Variants in NUBPL observed in about 807,000 individuals in gnomAD.
NUBPL encodes NUBP iron-sulfur cluster assembly factor, mitochondrial.
A neutral mutation model predicts 45.7 loss-of-function variants in NUBPL; 31 were observed. That is an observed-to-expected ratio of 0.68 (90% confidence interval 0.51 to 0.92). The LOEUF is 0.92. NUBPL is among the 40% of genes least tolerant of loss of function. NUBPL has a pLI of 0.00. For synonymous variants in NUBPL, 144 were observed against 140.9 expected (o/e 1.02, Z -0.15); for missense variants, 401 against 398.7 (o/e 1.01, Z -0.05).
At chr14:31,839,650 G>A (rs2040338149) in intron 8 of NUBPL, among the ~76,000 whole-genome samples, 2 of 152,010 alleles carry the variant, frequency 1.3e-5, no homozygotes, top group South Asian at 4.1e-4. Flanking sequence ...CAATCAACAG[G>A]GTGAAGAGAC....
intron 3 of NUBPL, among the ~76,000 whole-genome samples, chr14:31,576,799 A>G (rs1263315393): frequency 6.6e-6 from 1 of 152,182 alleles, no homozygotes; most frequent in Non-Finnish European, 1.5e-5. Flanking sequence ...TTTCATTGGT[A>G]ACTTATCTGG....
intron 7 of NUBPL, among the ~76,000 whole-genome samples, chr14:31,812,588 T>C (rs2039830196): frequency 6.6e-6 from 1 of 152,196 alleles, no homozygotes; most frequent in African/African-American, 2.4e-5. Flanking sequence ...CCCTTGCACT[T>C]CCCTGGTGAG....
intron 6 of NUBPL, among the ~76,000 whole-genome samples, chr14:31,734,803 A>G (rs775797025): frequency 4.6e-5 from 7 of 152,176 alleles, no homozygotes; most frequent in African/African-American, 7.2e-5. Flanking sequence ...GGTTCCAGTA[A>G]TGGGTCTGTA....
chr14:31,626,886 T>G (rs1164447972), intron 4 of NUBPL, among the ~76,000 whole-genome samples: 1 of 152,114 alleles, frequency 6.6e-6, no homozygotes, highest in Non-Finnish European at 1.5e-5. Flanking sequence ...CCCAGAAGGG[T>G]GTCTTCATGG....
intron 6 of NUBPL, among the ~76,000 whole-genome samples, chr14:31,777,323 G>C (rs1383275520): frequency 6.6e-6 from 1 of 152,220 alleles, no homozygotes; most frequent in African/African-American, 2.4e-5. Context: ...CTGGTCCCTT[G>C]TAGAGATCCT....
chr14:31,764,707 C>G (rs767820434), intron 6 of NUBPL, among the ~76,000 whole-genome samples: 17 of 152,134 alleles, frequency 1.1e-4, no homozygotes, highest in Non-Finnish European at 2.1e-4. Flanking sequence ...CAGCTGCTCA[C>G]TTAATGGTCT....
intron 2 of NUBPL, among the ~76,000 whole-genome samples, chr14:31,564,086 A>T (rs2033370291): frequency 6.6e-6 from 1 of 152,170 alleles, no homozygotes; most frequent in Non-Finnish European, 1.5e-5. Context: ...AATAACCCTG[A>T]CATAGTTTAT....
At chr14:31,654,088 G>A (rs2139749385) in intron 4 of NUBPL, 1 of 455,038 alleles carries the variant, frequency 2.2e-6, no homozygotes, top group Non-Finnish European at 4.4e-6. Flanking sequence ...CAGAGATGTT[G>A]CAGGTCTTGT....
intron 6 of NUBPL, among the ~76,000 whole-genome samples, chr14:31,785,958 A>G (rs2039276375): frequency 6.6e-6 from 1 of 152,132 alleles, no homozygotes; most frequent in African/African-American, 2.4e-5. Flanking sequence ...TAGGAGTTTA[A>G]GACCAGCTTG....
At chr14:31,673,929 G>A (rs1315802425) in intron 6 of NUBPL, among the ~76,000 whole-genome samples, 1 of 152,138 alleles carries the variant, frequency 6.6e-6, no homozygotes, top group East Asian at 1.9e-4. Context: ...TAAGGGCAGT[G>A]TAGAAATTCT....
chr14:31,813,371 A>C (rs1472089319), intron 7 of NUBPL, among the ~76,000 whole-genome samples: 1 of 152,064 alleles, frequency 6.6e-6, no homozygotes, highest in African/African-American at 2.4e-5. Flanking sequence ...CTGAAGAGCC[A>C]GTATTTGTCA....
intron 6 of NUBPL, among the ~76,000 whole-genome samples, chr14:31,767,129 A>T (rs2038928007): frequency 6.6e-6 from 1 of 152,190 alleles, no homozygotes; most frequent in African/African-American, 2.4e-5. Flanking sequence ...AGCTCTTTTT[A>T]AAAAATCCAT....
At chr14:31,799,042 T>C (rs1473066605) in intron 7 of NUBPL, among the ~76,000 whole-genome samples, 1 of 152,072 alleles carries the variant, frequency 6.6e-6, no homozygotes, top group Middle Eastern at 3.2e-3. Context: ...AGAAATGTTG[T>C]GAATTAGAAA....
chr14:31,640,541 G>A (rs1195426220), intron 4 of NUBPL, among the ~76,000 whole-genome samples: 1 of 151,490 alleles, frequency 6.6e-6, no homozygotes, highest in Non-Finnish European at 1.5e-5. Context: ...CTTGAACCTG[G>A]GAGGTGGAGG....
intron 7 of NUBPL, among the ~76,000 whole-genome samples, chr14:31,806,191 G>A (rs930319087): frequency 1.3e-5 from 2 of 152,172 alleles, no homozygotes; most frequent in African/African-American, 4.8e-5. Flanking sequence ...TTTGGAAATA[G>A]ATCAAAGCTT....
At chr14:31,737,795 AAATT>A (rs1411932630) in intron 6 of NUBPL, among the ~76,000 whole-genome samples, 1 of 152,172 alleles carries the variant, frequency 6.6e-6, no homozygotes, top group Non-Finnish European at 1.5e-5. Flanking sequence ...TAATAATAAT[AAATT>A]AATTATTTCT....
chr14:31,604,055 G>A (rs997276315), intron 4 of NUBPL, among the ~76,000 whole-genome samples: 2 of 151,696 alleles, frequency 1.3e-5, no homozygotes, highest in East Asian at 1.9e-4. Flanking sequence ...AACACTCGAA[G>A]TGAACTTTAA....
chr14:31,630,701 G>A (rs2035318503), intron 4 of NUBPL, among the ~76,000 whole-genome samples: 2 of 152,116 alleles, frequency 1.3e-5, no homozygotes, highest in South Asian at 4.1e-4. Flanking sequence ...AGCCTTTAGT[G>A]TCAAGGGCTA....
intron 8 of NUBPL, among the ~76,000 whole-genome samples, chr14:31,832,607 A>C (rs918246087): frequency 6.6e-6 from 1 of 152,234 alleles, no homozygotes; most frequent in African/African-American, 2.4e-5. Flanking sequence ...AATTTCTTAT[A>C]TACAGATTTT....
Sources: allele counts gnomAD v4.1 joint callset (sites outside exome capture counted in the v4.1 genomes callset), GRCh38; gene constraint gnomAD v4.1.1; transcripts MANE v1.5; gene names NCBI Gene and HGNC (gene_info 2026-07-23, HGNC 2026-07-21).